Variants in RALGPS1 observed in about 807,000 individuals in gnomAD.
RALGPS1 encodes ras-specific guanine nucleotide-releasing factor RalGPS1.
A neutral mutation model predicts 78.8 loss-of-function variants in RALGPS1; 19 were observed. The observed-to-expected ratio is 0.24, with a 90% CI of 0.17 to 0.35. The LOEUF (loss-of-function observed/expected upper bound fraction) is 0.35, where lower values mean the gene tolerates loss of function less well. RALGPS1 is among the 10% of genes least tolerant of loss of function. The probability of loss-of-function intolerance (pLI) is 1.00; values close to 1 mark genes in which losing one functional copy is unlikely to be tolerated. For synonymous variants in RALGPS1, 228 were observed against 256.3 expected (o/e 0.89, Z 1.06); for missense variants, 454 against 688.3 (o/e 0.66, Z 3.81).
At chr9:127,132,376 C>A (rs2057066304) in intron 8 of RALGPS1, among the ~76,000 whole-genome samples, 1 of 152,204 alleles carries the variant, frequency 6.6e-6, no homozygotes, top group African/African-American at 2.4e-5. Context: ...GAAATTACTT[C>A]TGTGAATTAT....
At chr9:126,991,041 G>C (rs1461276091) in intron 4 of RALGPS1, among the ~76,000 whole-genome samples, 1 of 152,152 alleles carries the variant, frequency 6.6e-6, no homozygotes, top group Non-Finnish European at 1.5e-5. Context: ...TAGAAAGGAG[G>C]GCTCCCAGCA....
intron 4 of RALGPS1, chr9:126,990,162 G>A (rs2042159948): frequency 3.8e-6 from 3 of 779,794 alleles, no homozygotes; most frequent in Non-Finnish European, 4.0e-6. Context: ...TGGCCAGCAG[G>A]CAGTCATTTG....
chr9:127,097,915 G>A (rs1461177918), intron 8 of RALGPS1, among the ~76,000 whole-genome samples: 3 of 152,192 alleles, frequency 2.0e-5, no homozygotes, highest in African/African-American at 7.2e-5. Flanking sequence ...CTTCTTCTGT[G>A]AAATGGGAAG....
rs1457774590 is a variant in RALGPS1 at position 126,958,664 on chromosome 9, C to A, written c.-65-3561C>A. On this transcript the variant is annotated intron_variant, in intron 1 of 18. Transcript: ENST00000259351. ...TCGACTGAATTCTCTGTCCGTTTACCAGGTGATAAACATTTGGAGGGTTTG... is the reference window on the plus strand; with the variant it reads ...TCGACTGAATTCTCTGTCCGTTTACAAGGTGATAAACATTTGGAGGGTTTG... Among the ~76,000 whole-genome samples the A allele has an allele frequency of 2.6e-5, 4 of 152,284 alleles. No individual in the cohort carries two copies. The East Asian group carries it at 7.7e-4, about 29-fold the overall frequency.
chr9:127,202,728 C>T (rs2061701843), intron 14 of RALGPS1, among the ~76,000 whole-genome samples: 1 of 152,168 alleles, frequency 6.6e-6, no homozygotes, highest in South Asian at 2.1e-4. Flanking sequence ...TGATCCTGGG[C>T]CAGGGCCCTC....
chr9:127,013,910 CCTT>C (rs1263307138), intron 4 of RALGPS1, among the ~76,000 whole-genome samples: 1 of 152,214 alleles, frequency 6.6e-6, no homozygotes, highest in African/African-American at 2.4e-5. Flanking sequence ...CTAAGCCAGT[CCTT>C]CTTATACACT....
At chr9:127,130,514 T>C (rs922332439) in intron 8 of RALGPS1, among the ~76,000 whole-genome samples, 5 of 152,228 alleles carry the variant, frequency 3.3e-5, no homozygotes, top group Admixed American at 2.6e-4. Context: ...TGACTACTAA[T>C]AGTCCTTTAG....
intron 8 of RALGPS1, among the ~76,000 whole-genome samples, chr9:127,106,747 G>A (rs1368193935): frequency 6.6e-6 from 1 of 152,172 alleles, no homozygotes; most frequent in African/African-American, 2.4e-5. Flanking sequence ...TGCTGCCCTT[G>A]TCCTCTGCAC....
intron 1 of RALGPS1, among the ~76,000 whole-genome samples, chr9:126,946,184 C>T (rs1202395914): frequency 1.3e-5 from 2 of 151,974 alleles, no homozygotes; most frequent in Admixed American, 1.3e-4. Flanking sequence ...AGAGACAGTA[C>T]CCCTTCTAGT....
At chr9:127,166,017 T>A in intron 8 of RALGPS1, 52 bp from the exon 9 acceptor site, 1 of 1,559,860 alleles carries the variant, frequency 6.4e-7, no homozygotes, top group South Asian at 1.2e-5. Flanking sequence ...TGCTATTTTG[T>A]TCTGGTTTGT....
At chr9:127,028,704 T>C (rs2046166852) in intron 4 of RALGPS1, among the ~76,000 whole-genome samples, 1 of 152,240 alleles carries the variant, frequency 6.6e-6, no homozygotes, top group African/African-American at 2.4e-5. Context: ...GTTAAAAATA[T>C]TACAATGTAT....
At chr9:126,946,917 C>A (rs2037327170) in intron 1 of RALGPS1, among the ~76,000 whole-genome samples, 1 of 152,136 alleles carries the variant, frequency 6.6e-6, no homozygotes, top group Admixed American at 6.5e-5. Flanking sequence ...CACCTGTCTT[C>A]TGCAGGCACC....
intron 7 of RALGPS1, among the ~76,000 whole-genome samples, chr9:127,068,546 A>G (rs1158366197): frequency 1.3e-5 from 2 of 152,182 alleles, no homozygotes; most frequent in Non-Finnish European, 2.9e-5. Flanking sequence ...GATAACTTCC[A>G]AGTGTGAGAT....
intron 8 of RALGPS1, among the ~76,000 whole-genome samples, chr9:127,083,662 A>G (rs1055012748): frequency 6.6e-6 from 1 of 152,164 alleles, no homozygotes; most frequent in African/African-American, 2.4e-5. Flanking sequence ...ATCAGGTGTA[A>G]GAAGAAACCA....
intron 5 of RALGPS1, among the ~76,000 whole-genome samples, chr9:127,041,599 G>A (rs1229387160): frequency 4.6e-5 from 7 of 152,156 alleles, no homozygotes; most frequent in Non-Finnish European, 7.3e-5. Context: ...GGACAGTTAC[G>A]TCTGGTTCTG....
At chr9:126,988,201 G>C (rs541818585) in intron 4 of RALGPS1, among the ~76,000 whole-genome samples, 73 of 152,252 alleles carry the variant, frequency 4.8e-4, no homozygotes, top group African/African-American at 1.7e-3. Flanking sequence ...TGGCGGGGGT[G>C]AGAGATTGAG....
chr9:127,214,664 C>A, intron 17 of RALGPS1, 87 bp from the exon 18 acceptor site: 1 of 1,525,638 alleles, frequency 6.6e-7, no homozygotes, highest in Admixed American at 2.3e-5. Context: ...ACTTTAGTTA[C>A]CCGTGTTTAC....
chr9:127,172,783 T>C (rs542553845), intron 10 of RALGPS1, among the ~76,000 whole-genome samples: 1 of 152,318 alleles, frequency 6.6e-6, no homozygotes, highest in African/African-American at 2.4e-5. Flanking sequence ...CTTGTGTTTG[T>C]AATAAGTTGT....
intron 8 of RALGPS1, chr9:127,106,970 T>C (rs2054278884): frequency 6.6e-6 from 1 of 152,250 alleles, no homozygotes; most frequent in Non-Finnish European, 1.5e-5. Context: ...AATATAGTTC[T>C]CATATGGCAG....
Sources: allele counts gnomAD v4.1 joint callset (sites outside exome capture counted in the v4.1 genomes callset), GRCh38; gene constraint gnomAD v4.1.1; transcripts MANE v1.5; gene names NCBI Gene and HGNC (gene_info 2026-07-23, HGNC 2026-07-21).